The following CHST9 variants were observed in gnomAD, a reference collection of about 807,000 sequenced individuals.
The protein encoded by CHST9 is GalNAc-4-sulfotransferase 2.
A neutral mutation model predicts 44.4 loss-of-function variants in CHST9; 41 were observed. The observed-to-expected ratio is 0.92, with a 90% confidence interval of 0.72 to 1.20. The LOEUF is 1.20. CHST9 is among the 50% of genes most tolerant of loss of function. The pLI is 0.00. For missense variants in CHST9, 504 were observed against 516.5 expected (o/e 0.98, Z 0.23); for synonymous variants, 171 against 178.4 (o/e 0.96, Z 0.33).
chr18:26,963,996 T>C (rs750200431), intron 4 of CHST9, among the ~76,000 whole-genome samples: 4 of 152,188 alleles, frequency 2.6e-5, no homozygotes, highest in South Asian at 2.1e-4. Context: ...ATCTAAATAT[T>C]TGTAGCCAGG....
chr18:27,027,385 C>A (rs2143477479), intron 3 of CHST9, among the ~76,000 whole-genome samples: 1 of 152,294 alleles, frequency 6.6e-6, no homozygotes, highest in Non-Finnish European at 1.5e-5. Context: ...TCAATATCCT[C>A]TTAATTTTAC....
intron 4 of CHST9, among the ~76,000 whole-genome samples, chr18:26,992,704 T>G (rs192362029): frequency 1.2e-4 from 18 of 152,248 alleles, no homozygotes; most frequent in Admixed American, 5.2e-4. Flanking sequence ...CTGTTTAACA[T>G]TTCACATGAT....
chr18:27,160,602 T>A (rs1215806449), intron 1 of CHST9, among the ~76,000 whole-genome samples: 1 of 152,236 alleles, frequency 6.6e-6, no homozygotes, highest in Non-Finnish European at 1.5e-5. Flanking sequence ...CAGGCTTTGG[T>A]ATCAGGATGA....
intron 2 of CHST9, among the ~76,000 whole-genome samples, chr18:27,099,582 A>G (rs536683562): frequency 6.6e-6 from 1 of 152,326 alleles, no homozygotes; most frequent in East Asian, 1.9e-4. Context: ...AAAAGAGTAC[A>G]TACAAGTGGC....
chr18:27,163,297 A>G (rs75040292), intron 1 of CHST9, among the ~76,000 whole-genome samples: 4 of 152,312 alleles, frequency 2.6e-5, no homozygotes, highest in African/African-American at 9.6e-5. Flanking sequence ...CCGTTCTCAG[A>G]TCTCCAGCTG....
intron 4 of CHST9, among the ~76,000 whole-genome samples, chr18:26,956,100 G>A (rs1454335798): frequency 6.6e-6 from 1 of 151,808 alleles, no homozygotes; most frequent in African/African-American, 2.4e-5. Context: ...TTTAAGACCA[G>A]CCTGGCCAAC....
At chr18:27,171,116 G>A (rs1283754721) in intron 1 of CHST9, among the ~76,000 whole-genome samples, 1 of 152,158 alleles carries the variant, frequency 6.6e-6, no homozygotes, top group Non-Finnish European at 1.5e-5. Context: ...CCAACTTGAG[G>A]GTAAGTGAAA....
At position 27,145,346 on chromosome 18, in the gene CHST9, G is replaced by A. The variant is rs933424917; in HGVS notation, c.-96-2441C>T. 3.3e-5 allele frequency among the ~76,000 whole-genome samples: 5 copies of A among 152,070 alleles called. No homozygotes were observed. The South Asian group carries it at 6.2e-4, about 19-fold the overall frequency. On this transcript the variant is annotated intron_variant, in intron 1 of 5. Coordinates refer to ENST00000618847, the MANE Select transcript of CHST9 (RefSeq NM_031422.6). ...AGCTAGAATTAGCTGAGCCACACCC[G>A]ACTAATTTTTGTATTTTAGTAGAGA...
At chr18:26,918,471 T>C (rs149685429) in intron 5 of CHST9, among the ~76,000 whole-genome samples, 2 of 151,918 alleles carry the variant, frequency 1.3e-5, no homozygotes, top group African/African-American at 4.8e-5. Context: ...TAAACATGAT[T>C]GCAAATATAT....
intron 1 of CHST9, among the ~76,000 whole-genome samples, chr18:27,175,474 C>A (rs2058861173): frequency 6.6e-6 from 1 of 151,984 alleles, no homozygotes. Context: ...AACAGCCCTG[C>A]CCTACTTTCT....
At chr18:27,111,514 A>G (rs767966007) in intron 2 of CHST9, among the ~76,000 whole-genome samples, 4 of 152,172 alleles carry the variant, frequency 2.6e-5, no homozygotes, top group African/African-American at 4.8e-5. Context: ...TGCTTCCAGG[A>G]AAGTATTTTG....
intron 2 of CHST9, among the ~76,000 whole-genome samples, chr18:27,139,981 G>A (rs1056266068): frequency 1.3e-5 from 2 of 152,078 alleles, no homozygotes; most frequent in African/African-American, 2.4e-5. Flanking sequence ...CCAGTGTTTT[G>A]GTTAGGAGAC....
At chr18:27,153,569 T>C (rs1237757235) in intron 1 of CHST9, among the ~76,000 whole-genome samples, 1 of 50,290 alleles carries the variant, frequency 2.0e-5, no homozygotes, top group African/African-American at 5.8e-5. Context: ...TGTGTGTGTA[T>C]GTGTGTGTGT....
At chr18:26,962,293 C>CA (rs1555672222) in intron 4 of CHST9, among the ~76,000 whole-genome samples, 2 of 140,750 alleles carry the variant, frequency 1.4e-5, no homozygotes, top group Non-Finnish European at 3.1e-5. Context: ...TTATAGTCTC[C>CA]TTTTTTTTTT....
chr18:27,145,108 C>T (rs764476423), intron 1 of CHST9, among the ~76,000 whole-genome samples: 1 of 151,956 alleles, frequency 6.6e-6, no homozygotes. Context: ...AAAAAAAAAC[C>T]CACCAAATAG....
chr18:27,113,773 G>A (rs565173404), intron 2 of CHST9, among the ~76,000 whole-genome samples: 8 of 152,180 alleles, frequency 5.3e-5, no homozygotes, highest in African/African-American at 7.2e-5. Flanking sequence ...CCCAGTTTAC[G>A]GTATTTTGTT....
At chr18:27,131,199 T>C (rs549058899) in intron 2 of CHST9, among the ~76,000 whole-genome samples, 2 of 152,158 alleles carry the variant, frequency 1.3e-5, no homozygotes, top group South Asian at 4.1e-4. Context: ...AAATCCTACG[T>C]TCCCCACCGA....
chr18:27,044,064 C>CT (rs921078866), intron 3 of CHST9, among the ~76,000 whole-genome samples: 1 of 149,216 alleles, frequency 6.7e-6, no homozygotes, highest in Non-Finnish European at 1.5e-5. Flanking sequence ...AGCCCTTCCC[C>CT]CCCCTTTATT....
In CHST9 at chr18:26,998,879, G is replaced by A. The variant is rs111765766; in HGVS notation, c.202+25237C>T. ...CTCTGGCTATCATGTGGCAGCATCC[G>A]GGAAGGACCTTTGAGGCCACGCTCT... On this transcript the variant is annotated intron_variant, in intron 4 of 5. Transcript: ENST00000618847. 7.7e-3 allele frequency among the ~76,000 whole-genome samples: 1,174 copies of A among 152,224 alleles called. 10 individuals carry two copies. The highest frequency in any genetic ancestry group is 0.027 in the African/African-American group (1,138 of 41,530).
Sources: allele counts gnomAD v4.1 joint callset (sites outside exome capture counted in the v4.1 genomes callset), GRCh38; gene constraint gnomAD v4.1.1; transcripts MANE v1.5; gene names NCBI Gene and HGNC (gene_info 2026-07-23, HGNC 2026-07-21).